GSAP: variants seen among roughly 807,000 people sequenced by gnomAD.
The protein encoded by GSAP is gamma-secretase-activating protein.
A neutral mutation model predicts 131.7 loss-of-function variants in GSAP; 118 were observed. That is an observed-to-expected ratio of 0.90 (90% CI 0.77 to 1.04). The LOEUF (loss-of-function observed/expected upper bound fraction) is 1.04, where lower values mean the gene tolerates loss of function less well. Among genes scored for constraint, GSAP ranks in the 50% least tolerant of loss-of-function variants. The probability of loss-of-function intolerance (pLI) is 0.00; values close to 1 mark genes in which losing one functional copy is unlikely to be tolerated. For missense variants in GSAP, 1,019 were observed against 1,013.2 expected (o/e 1.01, Z -0.08); for synonymous variants, 381 against 363.4 (o/e 1.05, Z -0.55).
At chr7:77,365,013 T>C (rs1462085080) in intron 12 of GSAP, among the ~76,000 whole-genome samples, 1 of 152,196 alleles carries the variant, frequency 6.6e-6, no homozygotes, top group Admixed American at 6.5e-5. Flanking sequence ...CAGGCTGGAG[T>C]GCAGTGGTGC....
At chr7:77,345,338 C>T (rs1305023514) in intron 19 of GSAP, among the ~76,000 whole-genome samples, 1 of 152,140 alleles carries the variant, frequency 6.6e-6, no homozygotes, top group Non-Finnish European at 1.5e-5. Context: ...CTCGAAGCAG[C>T]CCTGAGAAAC....
At chr7:77,382,412 G>A (rs1490297739) in intron 7 of GSAP, among the ~76,000 whole-genome samples, 162 bp downstream of exon 7, 1 of 152,144 alleles carries the variant, frequency 6.6e-6, no homozygotes, top group Non-Finnish European at 1.5e-5. Context: ...GGGGGCCAAA[G>A]GAAAAGCCCT....
intron 1 of GSAP, among the ~76,000 whole-genome samples, chr7:77,410,324 A>G (rs1031320795): frequency 2.0e-5 from 3 of 152,200 alleles, no homozygotes; most frequent in African/African-American, 7.2e-5. Context: ...ACCACATACT[A>G]TTAAGCCATC....
intron 23 of GSAP, 150 bp from the exon 24 acceptor site, chr7:77,323,892 T>G: frequency 1.9e-6 from 1 of 516,134 alleles, no homozygotes; most frequent in South Asian, 2.7e-5. Flanking sequence ...ACTCTCAGTA[T>G]TTCTCTGGTG....
chr7:77,373,889 C>G (rs763708939), intron 12 of GSAP, among the ~76,000 whole-genome samples, 181 bp downstream of exon 12: 1 of 152,152 alleles, frequency 6.6e-6, no homozygotes, highest in Non-Finnish European at 1.5e-5. Context: ...CTGTGGCTTC[C>G]TCAATACAGA....
chr7:77,342,005 C>T (rs765790713), intron 19 of GSAP, among the ~76,000 whole-genome samples: 7 of 152,234 alleles, frequency 4.6e-5, no homozygotes, highest in Admixed American at 3.3e-4. Context: ...CCAAGGAATG[C>T]CCACAGCCTG....
At chr7:77,319,504 A>T (rs970987068) in intron 26 of GSAP, among the ~76,000 whole-genome samples, 6 of 152,188 alleles carry the variant, frequency 3.9e-5, no homozygotes, top group East Asian at 1.9e-4. Context: ...CAAAAAATTT[A>T]AAAAAAAGAA....
At chr7:77,340,408 G>A (rs1359035426) in intron 19 of GSAP, among the ~76,000 whole-genome samples, 1 of 152,164 alleles carries the variant, frequency 6.6e-6, no homozygotes, top group Non-Finnish European at 1.5e-5. Context: ...ACTCCTTCAG[G>A]AGACCGGTCC....
chr7:77,314,340 T>A, intron 27 of GSAP, 30 bp downstream of exon 27: 1 of 1,612,096 alleles, frequency 6.2e-7, no homozygotes, highest in Non-Finnish European at 8.5e-7. Flanking sequence ...AGGCTGGAAC[T>A]AGCACTCTGG....
chr7:77,384,642 A>C (rs1159633213), intron 6 of GSAP, among the ~76,000 whole-genome samples: 1 of 152,112 alleles, frequency 6.6e-6, no homozygotes, highest in African/African-American at 2.4e-5. Flanking sequence ...TGCTGGAAGG[A>C]AACACTCAAA....
At chr7:77,350,556 T>G (rs1584422357) in intron 18 of GSAP, among the ~76,000 whole-genome samples, 2 of 133,642 alleles carry the variant, frequency 1.5e-5, no homozygotes, top group African/African-American at 5.8e-5. Context: ...GCCAACATGG[T>G]GAAACCCCGC....
intron 4 of GSAP, 34 bp from the exon 5 acceptor site, chr7:77,397,069 T>G (rs572163544): frequency 7.3e-7 from 1 of 1,372,920 alleles, no homozygotes; most frequent in Non-Finnish European, 1.0e-6. Flanking sequence ...CATTAGCAAT[T>G]GATCCATATG....
chr7:77,375,194 TTA>T, intron 10 of GSAP, 93 bp from the exon 11 acceptor site: 1 of 684,960 alleles, frequency 1.5e-6, no homozygotes, highest in East Asian at 2.7e-5. Context: ...CAGAAAAATA[TTA>T]TGTTTGCCTA....
chr7:77,337,095 G>T (rs1457513098), intron 19 of GSAP, among the ~76,000 whole-genome samples: 1 of 152,168 alleles, frequency 6.6e-6, no homozygotes. Context: ...GTATTGTGGG[G>T]TCAAGTCTTT....
intron 26 of GSAP, among the ~76,000 whole-genome samples, chr7:77,317,295 A>G (rs113234347): frequency 0.084 from 12,274 of 146,414 alleles, 711 homozygotes; most frequent in Non-Finnish European, 0.12. Context: ...AACACCACAC[A>G]TTCTCACTCA....
intron 19 of GSAP, chr7:77,332,059 T>C (rs1276531901): frequency 6.6e-6 from 1 of 152,186 alleles, no homozygotes; most frequent in Non-Finnish European, 1.5e-5. Context: ...TAGTGTTCAG[T>C]TGAGCTATTA....
At chr7:77,401,372 T>C (rs1400315724) in intron 3 of GSAP, among the ~76,000 whole-genome samples, 2 of 151,470 alleles carry the variant, frequency 1.3e-5, no homozygotes, top group East Asian at 1.9e-4. Flanking sequence ...GACATCTATA[T>C]GGGGGGGAGA....
At chr7:77,322,089 T>C (rs1357705458) in intron 24 of GSAP, among the ~76,000 whole-genome samples, 4 of 152,216 alleles carry the variant, frequency 2.6e-5, no homozygotes, top group Non-Finnish European at 4.4e-5. Flanking sequence ...CAGCCACGAA[T>C]CCACACATTG....
intron 3 of GSAP, among the ~76,000 whole-genome samples, chr7:77,397,640 C>A (rs1359235089): frequency 6.6e-6 from 1 of 152,132 alleles, no homozygotes; most frequent in Non-Finnish European, 1.5e-5. Flanking sequence ...ATGAGACAAC[C>A]AAGTATAGTG....
Sources: gnomAD v4.1 joint callset for allele counts (sites outside exome capture counted in the v4.1 genomes callset) on GRCh38, gnomAD v4.1.1 for gene constraint, MANE v1.5 for transcripts, NCBI Gene and HGNC (gene_info 2026-07-23, HGNC 2026-07-21) for gene names.